The following SLC38A6 variants were observed in gnomAD, a reference collection of about 807,000 sequenced individuals.
The protein encoded by SLC38A6 is N system amino acid transporter NAT-1.
SLC38A6 carries 73 observed loss-of-function variants against 65.0 expected under a neutral mutation model. That is an observed-to-expected ratio of 1.12 (90% CI 0.93 to 1.37). SLC38A6 has a LOEUF of 1.37. Among genes scored for constraint, SLC38A6 ranks in the 40% most tolerant of loss-of-function variants. The probability of loss-of-function intolerance (pLI) is 0.00; values close to 1 mark genes in which losing one functional copy is unlikely to be tolerated. For missense variants in SLC38A6, 561 were observed against 531.1 expected, an observed-to-expected ratio of 1.06 and a Z score of -0.55; for synonymous variants, 183 against 178.8, an observed-to-expected ratio of 1.02 and a Z score of -0.19.
chr14:60,990,122 C>T (rs2037751644), intron 3 of SLC38A6, among the ~76,000 whole-genome samples: 1 of 151,944 alleles, frequency 6.6e-6, no homozygotes, highest in South Asian at 2.1e-4. Context: ...CTCCGTCCTG[C>T]AGGGTTCAAG....
At chr14:60,989,284 CCCTT>C (rs2037685468) in intron 3 of SLC38A6, among the ~76,000 whole-genome samples, 1 of 152,182 alleles carries the variant, frequency 6.6e-6, no homozygotes, top group Non-Finnish European at 1.5e-5. Context: ...GCCACTTTCT[CCCTT>C]CTTTCTTATT....
chr14:61,006,854 C>T (rs905895534), intron 3 of SLC38A6, among the ~76,000 whole-genome samples: 4 of 152,150 alleles, frequency 2.6e-5, no homozygotes, highest in African/African-American at 7.2e-5. Context: ...AATCATGCTG[C>T]TATAAAGACA....
chr14:61,010,607 C>G (rs1212152053), intron 3 of SLC38A6, among the ~76,000 whole-genome samples: 1 of 152,148 alleles, frequency 6.6e-6, no homozygotes, highest in Non-Finnish European at 1.5e-5. Flanking sequence ...ATATGGCTAG[C>G]CAGTTTTCCC....
intron 16 of SLC38A6, among the ~76,000 whole-genome samples, chr14:61,082,208 T>G (rs1175037602): frequency 2.0e-5 from 3 of 152,184 alleles, no homozygotes; most frequent in Non-Finnish European, 4.4e-5. Flanking sequence ...GATCTTTGGA[T>G]AACCACCCCA....
At chr14:61,004,791 T>A (rs1448388759) in intron 3 of SLC38A6, among the ~76,000 whole-genome samples, 1 of 152,192 alleles carries the variant, frequency 6.6e-6, no homozygotes, top group Non-Finnish European at 1.5e-5. Flanking sequence ...CTTCTGAAAC[T>A]ATTCCAATCA....
intron 16 of SLC38A6, among the ~76,000 whole-genome samples, chr14:61,079,231 G>A (rs2043548410): frequency 6.7e-6 from 1 of 149,208 alleles, no homozygotes; most frequent in South Asian, 2.1e-4. Flanking sequence ...CTGCCTCCCG[G>A]GTTCAAGCGA....
chr14:61,035,788 C>G (rs2041316987), intron 6 of SLC38A6, among the ~76,000 whole-genome samples: 1 of 152,122 alleles, frequency 6.6e-6, no homozygotes, highest in Non-Finnish European at 1.5e-5. Context: ...CCTTTGCATA[C>G]AAATCTATTG....
chr14:61,043,552 G>T lies in SLC38A6; in HGVS notation c.744+49G>T, dbSNP rs370277593. 2.1e-6 allele frequency: 3 copies of T among 1,400,196 alleles called. No individual in the cohort carries two copies. In the Admixed American group the frequency reaches 5.9e-5, roughly 27 times the overall value. 86.7% of individuals were successfully genotyped at this position (1,400,196 alleles called of 1,614,324 possible). A position where few individuals can be genotyped will look rare whatever the true frequency, so the allele number is the denominator to read the frequency against. ...TTTTAGTTGATTTTTCACATTTCAA[G>T]TTTTAAGAGGTTTGTGTAACAGGGT... On this transcript the variant is annotated intron_variant, in intron 10 of 15. Transcript: ENST00000267488.
chr14:61,048,046 C>A, intron 12 of SLC38A6: 1 of 405,674 alleles, frequency 2.5e-6, no homozygotes, highest in South Asian at 1.9e-5. Flanking sequence ...ATAAATGATA[C>A]AAAAGTAGTA....
At chr14:61,019,718 C>T in intron 5 of SLC38A6, 138 bp downstream of exon 5, 1 of 784,932 alleles carries the variant, frequency 1.3e-6, no homozygotes. Flanking sequence ...GGCCTCTTTA[C>T]TCTTTTTTTT....
intron 5 of SLC38A6, among the ~76,000 whole-genome samples, chr14:61,026,233 A>G (rs2040603423): frequency 6.6e-6 from 1 of 152,106 alleles, no homozygotes; most frequent in Admixed American, 6.6e-5. Context: ...AGAATACAGT[A>G]TTTGGAAGCA....
rs141960931 is a variant in SLC38A6, at chr14:61,016,686, A to G, written c.363+730A>G. On this transcript the variant is annotated intron_variant, in intron 4 of 15. Transcript: ENST00000267488. ...AGTATATATATTTTTTAATTTCTGA[A>G]GAACTACTATACTTCTAAAATTCAT... Among the ~76,000 whole-genome samples the G allele has an allele frequency of 1.9e-3, 284 of 152,346 alleles. 1 individual carries two copies. The highest frequency in any genetic ancestry group is 6.5e-3 in the African/African-American group (269 of 41,588).
At chr14:61,045,286 G>A in intron 10 of SLC38A6, 60 bp from the exon 11 acceptor site, 1 of 1,080,474 alleles carries the variant, frequency 9.3e-7, no homozygotes. Flanking sequence ...GTTGTCAAAT[G>A]AAATAATGGT....
intron 15 of SLC38A6, among the ~76,000 whole-genome samples, chr14:61,061,548 C>T (rs1298540214): frequency 6.6e-6 from 1 of 152,176 alleles, no homozygotes; most frequent in Non-Finnish European, 1.5e-5. Flanking sequence ...GATCATTTTA[C>T]TGTCTCCATA....
Position 61,052,398 on chromosome 14 carries a change from C to T in SLC38A6, c.1340C>T (p.Ala447Val), listed in dbSNP as rs761499554. Residue 447 changes from alanine to valine, a missense_variant, in exon 16 of 16, where the codon GCA (alanine) becomes GTA (valine). Ala to Val is a moderately conservative substitution (Grantham distance 64). Coordinates refer to ENST00000267488, the MANE Select transcript of SLC38A6 (RefSeq NM_153811.3). Reference sequence around the variant, plus strand: ...ATTTTGGTTGGGAATTTTAGTTTAGCACTCATCATTTTTGATTGGATTAAT... The same window carrying T: ...ATTTTGGTTGGGAATTTTAGTTTAGTACTCATCATTTTTGATTGGATTAAT... Reference protein sequence around the residue: ...FGILVGNFSLALIIFDWINK With the variant: ...FGILVGNFSLVLIIFDWINK 1.9e-6 allele frequency: 3 copies of T among 1,582,948 alleles called. No homozygotes were observed. In the South Asian group the frequency reaches 3.6e-5, roughly 19 times the overall value.
At chr14:61,005,818 G>A (rs1182672433) in intron 3 of SLC38A6, among the ~76,000 whole-genome samples, 3 of 151,906 alleles carry the variant, frequency 2.0e-5, no homozygotes, top group East Asian at 1.9e-4. Context: ...TCTTCACAGA[G>A]TTGGAAAAAA....
At chr14:61,017,468 A>C (rs956900546) in intron 4 of SLC38A6, among the ~76,000 whole-genome samples, 6 of 152,236 alleles carry the variant, frequency 3.9e-5, no homozygotes, top group African/African-American at 1.4e-4. Context: ...GGTTTTGTTA[A>C]TCTTCCTTAG....
chr14:61,064,951 A>C (rs1237465953), intron 15 of SLC38A6, among the ~76,000 whole-genome samples: 1 of 152,168 alleles, frequency 6.6e-6, no homozygotes, highest in Non-Finnish European at 1.5e-5. Flanking sequence ...AATGGTTAAA[A>C]CAAGGCTTTG....
chr14:61,007,962 G>GA (rs892859385), intron 3 of SLC38A6, among the ~76,000 whole-genome samples: 5 of 151,426 alleles, frequency 3.3e-5, no homozygotes, highest in Admixed American at 1.3e-4. Flanking sequence ...TATGTGATTT[G>GA]AAAAAAAAGA....
Sources: gnomAD v4.1 joint callset for allele counts (sites outside exome capture counted in the v4.1 genomes callset) on GRCh38, gnomAD v4.1.1 for gene constraint, MANE v1.5 for transcripts, NCBI Gene and HGNC (gene_info 2026-07-23, HGNC 2026-07-21) for gene names.